THSD4: variants seen among roughly 807,000 people sequenced by gnomAD.
The protein encoded by THSD4 is thrombospondin type-1 domain-containing protein 4.
A neutral mutation model predicts 119.0 loss-of-function variants in THSD4; 69 were observed. The observed-to-expected ratio is 0.58, with a 90% CI of 0.48 to 0.71. THSD4 has a LOEUF of 0.71. Ranked by LOEUF, THSD4 falls within the 30% of genes least tolerant of loss-of-function variation. THSD4 has a pLI of 0.00. For missense variants in THSD4, 1,393 were observed against 1,391.1 expected, an observed-to-expected ratio of 1.00 and a Z score of -0.02; for synonymous variants, 524 against 540.4, an observed-to-expected ratio of 0.97 and a Z score of 0.42.
intron 7 of THSD4, among the ~76,000 whole-genome samples, chr15:71,591,005 C>CAAAAAAAAAAAAAA (rs67271025): frequency 8.3e-4 from 48 of 57,506 alleles, no homozygotes; most frequent in Middle Eastern, 0.019. Flanking sequence ...GACTCCATCT[C>CAAAAAAAAAAAAAA]AAAAAAAAAA....
intron 7 of THSD4, among the ~76,000 whole-genome samples, chr15:71,462,195 T>G (rs564208979): frequency 6.6e-6 from 1 of 152,324 alleles, no homozygotes; most frequent in African/African-American, 2.4e-5. Flanking sequence ...AGGGTCTCAC[T>G]CTGTCACCCC....
intron 4 of THSD4, among the ~76,000 whole-genome samples, chr15:71,217,512 A>G (rs1358531697): frequency 1.3e-5 from 2 of 151,588 alleles, no homozygotes; most frequent in Non-Finnish European, 2.9e-5. Context: ...ATTCCCAGCT[A>G]CTCGGGAGGC....
At chr15:71,168,316 C>T (rs935120228) in intron 3 of THSD4, among the ~76,000 whole-genome samples, 2 of 152,108 alleles carry the variant, frequency 1.3e-5, no homozygotes, top group African/African-American at 4.8e-5. Flanking sequence ...AGTTTTTTTA[C>T]AAGTCATAAT....
chr15:71,235,367 A>G (rs1369183907), intron 4 of THSD4, among the ~76,000 whole-genome samples: 2 of 152,220 alleles, frequency 1.3e-5, no homozygotes, highest in Non-Finnish European at 2.9e-5. Context: ...AGCCACATGG[A>G]CATTATTCAT....
In THSD4 at chr15:71,204,345, A is replaced by G. The variant is rs182545835; in HGVS notation, c.100-10690A>G. Among the ~76,000 whole-genome samples the G allele has an allele frequency of 2.6e-4, 39 of 152,304 alleles. No homozygotes were observed. In the East Asian group the frequency reaches 6.9e-3, roughly 27 times the overall value. Reference sequence around the variant, plus strand: ...TGGCTGGGCCCTGCTTTTAAAGATCATGGAAATCCATCCGGGCCTCCTTTG... The same window carrying G: ...TGGCTGGGCCCTGCTTTTAAAGATCGTGGAAATCCATCCGGGCCTCCTTTG... On this transcript the variant is annotated intron_variant, in intron 3 of 17. Coordinates refer to ENST00000261862, the MANE Select transcript of THSD4 (RefSeq NM_024817.3).
chr15:71,574,067 TCTCTAGCTCACTA>T (rs1238787632), intron 7 of THSD4, among the ~76,000 whole-genome samples: 1 of 152,170 alleles, frequency 6.6e-6, no homozygotes, highest in African/African-American at 2.4e-5. Context: ...GCGCAGAACT[TCTCTAGCTCACTA>T]CTGTATCGCA....
At chr15:71,483,660 C>T (rs1204714707) in intron 7 of THSD4, among the ~76,000 whole-genome samples, 9 of 151,978 alleles carry the variant, frequency 5.9e-5, no homozygotes, top group Admixed American at 2.6e-4. Context: ...AAATGTGTGC[C>T]GTGGTGGTGG....
chr15:71,687,503 C>A (rs1421601666), intron 8 of THSD4, among the ~76,000 whole-genome samples: 6 of 152,150 alleles, frequency 3.9e-5, no homozygotes, highest in African/African-American at 1.2e-4. Context: ...CACCGGTAAT[C>A]CCAGCACTTT....
intron 8 of THSD4, among the ~76,000 whole-genome samples, chr15:71,678,599 T>C (rs980131121): frequency 6.6e-6 from 1 of 152,252 alleles, no homozygotes; most frequent in Non-Finnish European, 1.5e-5. Context: ...GATAAGTCAC[T>C]GAAGGGGTGG....
At chr15:71,546,803 C>T (rs1202735208) in intron 7 of THSD4, among the ~76,000 whole-genome samples, 1 of 152,220 alleles carries the variant, frequency 6.6e-6, no homozygotes, top group Non-Finnish European at 1.5e-5. Context: ...GCCTAGATTT[C>T]TGCAACCATC....
In THSD4 at chr15:71,747,007, TG is replaced by T; in HGVS notation, c.2207del (p.Cys736SerfsTer26). 1 of 1,612,658 alleles carries T rather than the reference TG, an allele frequency of 6.2e-7. No homozygotes were observed. The highest frequency in any genetic ancestry group is 8.5e-7 in the Non-Finnish European group (1 of 1,179,818). On this transcript the variant is annotated frameshift_variant, in exon 13 of 18. Transcript: ENST00000261862. LOFTEE classifies it high-confidence loss of function. ...CACCAGCACCTGCCAACTCAAGATC[TG>T]CAGCGAGTGGCAGATCCGGACCGAC... ...ETTSTCQLKI[C>X]SEWQIRTDWT...
intron 7 of THSD4, among the ~76,000 whole-genome samples, chr15:71,579,331 G>T (rs544339239): frequency 2.6e-5 from 4 of 152,140 alleles, no homozygotes; most frequent in Non-Finnish European, 5.9e-5. Context: ...GAGCATTACC[G>T]AGAGCCAGAA....
At chr15:71,761,893 C>T (rs528901786) in intron 15 of THSD4, among the ~76,000 whole-genome samples, 11 of 152,312 alleles carry the variant, frequency 7.2e-5, no homozygotes, top group African/African-American at 2.2e-4. Context: ...CAGGCCAGCC[C>T]GGCTGCTCTT....
intron 6 of THSD4, among the ~76,000 whole-genome samples, chr15:71,326,694 AAAAAAAATATAT>A (rs1256627853): frequency 2.4e-4 from 3 of 12,414 alleles, no homozygotes; most frequent in Non-Finnish European, 4.0e-4. Flanking sequence ...AAAAAAAAAA[AAAAAAAATATAT>A]ATATATATAT....
intron 7 of THSD4, among the ~76,000 whole-genome samples, chr15:71,498,000 G>A (rs1337903452): frequency 6.6e-6 from 1 of 152,164 alleles, no homozygotes; most frequent in African/African-American, 2.4e-5. Flanking sequence ...CAAGGGGAGG[G>A]TGGGTTATAA....
At chr15:71,243,545 G>T (rs1282791154) in intron 5 of THSD4, among the ~76,000 whole-genome samples, 2 of 152,172 alleles carry the variant, frequency 1.3e-5, no homozygotes, top group Admixed American at 6.5e-5. Context: ...TAGGGGAAGA[G>T]CTGGGACAGC....
intron 4 of THSD4, among the ~76,000 whole-genome samples, chr15:71,228,975 C>T (rs2044039624): frequency 6.6e-6 from 1 of 152,224 alleles, no homozygotes; most frequent in Admixed American, 6.5e-5. Flanking sequence ...GAAAACGTTT[C>T]CTTTCTCAAT....
chr15:71,660,780 T>C (rs774443779), intron 8 of THSD4, 46 bp downstream of exon 8: 3 of 1,604,784 alleles, frequency 1.9e-6, no homozygotes, highest in Admixed American at 3.4e-5. Context: ...CCCTGCCAGA[T>C]GATGTATTCC....
chr15:71,603,082 T>C (rs2050044054), intron 7 of THSD4, among the ~76,000 whole-genome samples: 1 of 152,218 alleles, frequency 6.6e-6, no homozygotes, highest in South Asian at 2.1e-4. Flanking sequence ...GGCTACAAAC[T>C]TTTGGTCAAA....
Sources: gnomAD v4.1 joint callset for allele counts (sites outside exome capture counted in the v4.1 genomes callset) on GRCh38, gnomAD v4.1.1 for gene constraint, MANE v1.5 for transcripts, NCBI Gene and HGNC (gene_info 2026-07-23, HGNC 2026-07-21) for gene names.